CNBD1: variants seen among roughly 807,000 people sequenced by gnomAD.
The protein encoded by CNBD1 is cyclic nucleotide-binding domain-containing protein 1.
A neutral mutation model predicts 54.4 loss-of-function variants in CNBD1; 71 were observed. The ratio of observed to expected loss-of-function variants is 1.30; its 90% CI spans 1.08 to 1.59. The LOEUF is 1.59. CNBD1 is among the 40% of genes most tolerant of loss of function. CNBD1 has a pLI of 0.00. For synonymous variants in CNBD1, 182 were observed against 170.7 expected (o/e 1.07, Z -0.51); for missense variants, 659 against 518.0 (o/e 1.27, Z -2.64).
chr8:87,076,005 G>T (rs1212397123), intron 4 of CNBD1, among the ~76,000 whole-genome samples: 1 of 152,130 alleles, frequency 6.6e-6, no homozygotes, highest in East Asian at 1.9e-4. Flanking sequence ...GCATACTAAA[G>T]AAAAATATTA....
chr8:87,094,381 T>C (rs1286763442), intron 4 of CNBD1, among the ~76,000 whole-genome samples: 1 of 151,568 alleles, frequency 6.6e-6, no homozygotes, highest in Non-Finnish European at 1.5e-5. Context: ...GTTTTTAAAA[T>C]TTTTTTATTT....
chr8:87,057,267 AG>A (rs1810435674), intron 4 of CNBD1, among the ~76,000 whole-genome samples: 1 of 152,146 alleles, frequency 6.6e-6, no homozygotes, highest in African/African-American at 2.4e-5. Flanking sequence ...ATGGTGGAAA[AG>A]GAAGCAAACA....
chr8:87,205,012 A>G (rs974415450), intron 4 of CNBD1, among the ~76,000 whole-genome samples: 3 of 151,952 alleles, frequency 2.0e-5, no homozygotes, highest in East Asian at 1.9e-4. Flanking sequence ...ATATCATTCT[A>G]TAAACACACA....
rs116476257 is a variant in CNBD1 at position 87,416,370 on chromosome 8, T to C, written c.214-12176T>C. On this transcript the variant is annotated intron_variant, in intron 2 of 7. Coordinates refer to the CNBD1 transcript ENST00000521593. ...GCAAATTAACCAAGGCTTGCAGGAA[T>C]CTGGAGAGCATTTATTCAAGAAAAG... Among the ~76,000 whole-genome samples the C allele has an allele frequency of 6.5e-3, 985 of 152,170 alleles. 11 individuals carry two copies. Among genetic ancestry groups the C allele is most frequent in the African/African-American group, 0.023 (938 of 41,546 alleles).
At chr8:87,175,474 G>A (rs1198855301) in intron 4 of CNBD1, among the ~76,000 whole-genome samples, 1 of 152,118 alleles carries the variant, frequency 6.6e-6, no homozygotes, top group African/African-American at 2.4e-5. Flanking sequence ...ATCCTGCCAG[G>A]ACTAGGTCAC....
chr8:87,207,513 A>C (rs763137901), intron 5 of CNBD1, among the ~76,000 whole-genome samples: 4 of 152,068 alleles, frequency 2.6e-5, no homozygotes, highest in Non-Finnish European at 4.4e-5. Context: ...AAGTGGGTCC[A>C]GAAGGACATT....
At chr8:87,309,666 T>C (rs192659023) in intron 8 of CNBD1, among the ~76,000 whole-genome samples, 6 of 152,260 alleles carry the variant, frequency 3.9e-5, no homozygotes, top group Middle Eastern at 3.4e-3. Context: ...TTATCACTTA[T>C]ACCTATGAAT....
At chr8:86,920,411 A>C (rs914746193) in intron 3 of CNBD1, among the ~76,000 whole-genome samples, 3 of 152,158 alleles carry the variant, frequency 2.0e-5, no homozygotes, top group Admixed American at 2.0e-4. Context: ...TATTTTGTAA[A>C]ATCATTTTCT....
intron 8 of CNBD1, among the ~76,000 whole-genome samples, chr8:87,350,008 G>A (rs1430258266): frequency 6.6e-6 from 1 of 152,064 alleles, no homozygotes; most frequent in African/African-American, 2.4e-5. Context: ...TAAAAATAAT[G>A]GATTTCTTTG....
At chr8:86,961,616 C>T (rs765800920) in intron 4 of CNBD1, among the ~76,000 whole-genome samples, 2 of 152,188 alleles carry the variant, frequency 1.3e-5, no homozygotes, top group Non-Finnish European at 2.9e-5. Context: ...GGGATGTCCC[C>T]CTGTGGGATC....
chr8:87,319,717 T>G (rs983968269), intron 8 of CNBD1, among the ~76,000 whole-genome samples: 26 of 152,186 alleles, frequency 1.7e-4, no homozygotes, highest in African/African-American at 6.0e-4. Context: ...TAACATATAT[T>G]GATTGAAAAA....
Position 87,267,852 on chromosome 8 carries a change from T to C in CNBD1, c.772-16826T>C, listed in dbSNP as rs539726275. ...TAGAGCATATAGTTAAGAAACTTAA[T>C]CTCTTTAATGAATATGGAGCAAAAA... On this transcript the variant is annotated intron_variant, in intron 6 of 10. Coordinates refer to ENST00000518476, the MANE Select transcript of CNBD1 (RefSeq NM_173538.3). Among the ~76,000 whole-genome samples the C allele has an allele frequency of 2.0e-5, 3 of 152,322 alleles. No individual in the cohort carries two copies. The South Asian group carries it at 6.2e-4, about 32-fold the overall frequency.
At chr8:87,333,992 T>G (rs1809890411) in intron 8 of CNBD1, among the ~76,000 whole-genome samples, 1 of 152,202 alleles carries the variant, frequency 6.6e-6, no homozygotes, top group South Asian at 2.1e-4. Context: ...TTAATCCATC[T>G]GGTCCTGGGT....
intron 10 of CNBD1, 42 bp from the exon 11 acceptor site, chr8:87,382,578 A>T: frequency 6.6e-7 from 1 of 1,504,986 alleles, no homozygotes. Flanking sequence ...AAAAATGAGT[A>T]TTTATTATGT....
chr8:87,166,295 C>T lies in CNBD1; in HGVS notation c.432-39698C>T, dbSNP rs555669932. Among the ~76,000 whole-genome samples, 8 of 151,994 alleles carry T rather than the reference C, an allele frequency of 5.3e-5. No homozygotes were observed. The highest frequency in any genetic ancestry group is 1.9e-4 in the East Asian group (1 of 5,148). On this transcript the variant is annotated intron_variant, in intron 4 of 10. Transcript: ENST00000518476. This position sits in a 1 kb window ranked among gnomAD's most constrained non-coding sequence, Gnocchi z 4.3. Reference sequence around the variant, plus strand: ...TTTCAGGTCCATCTCCAATATATATCTTGGATCTGTCTGCTTGGTTCCATT... The same window carrying T: ...TTTCAGGTCCATCTCCAATATATATTTTGGATCTGTCTGCTTGGTTCCATT...
chr8:86,988,639 A>G (rs1262680482), intron 4 of CNBD1, among the ~76,000 whole-genome samples: 2 of 152,082 alleles, frequency 1.3e-5, no homozygotes, highest in East Asian at 3.9e-4. Context: ...CATTCTATCT[A>G]ACTATATTTT....
intron 6 of CNBD1, among the ~76,000 whole-genome samples, chr8:87,238,432 C>G (rs1807624941): frequency 1.3e-5 from 2 of 152,070 alleles, no homozygotes; most frequent in African/African-American, 4.8e-5. Flanking sequence ...CAAAACTTTA[C>G]TTTTTAGGAA....
intron 4 of CNBD1, among the ~76,000 whole-genome samples, chr8:87,119,510 G>A (rs1811848459): frequency 6.6e-6 from 1 of 151,914 alleles, no homozygotes; most frequent in East Asian, 1.9e-4. Flanking sequence ...TAGATATAAG[G>A]TCATATCATC....
intron 1 of CNBD1, among the ~76,000 whole-genome samples, chr8:86,884,647 CCTTTT>C (rs1563810117): frequency 6.6e-6 from 1 of 152,082 alleles, no homozygotes; most frequent in South Asian, 2.1e-4. Context: ...TCTGAAGGAT[CCTTTT>C]CTTTATTTTC....
Sources: allele counts gnomAD v4.1 joint callset (sites outside exome capture counted in the v4.1 genomes callset), GRCh38; gene constraint gnomAD v4.1.1; non-coding constraint Gnocchi (gnomAD v3.1); transcripts MANE v1.5; gene names NCBI Gene and HGNC (gene_info 2026-07-23, HGNC 2026-07-21).